The following CPNE4 variants were observed in gnomAD, a reference collection of about 807,000 sequenced individuals.
CPNE4 encodes copine 4.
In CPNE4, 25 loss-of-function variants were observed where a neutral mutation model predicts 67.9. That is an observed-to-expected ratio of 0.37 (90% confidence interval 0.27 to 0.51). The LOEUF (loss-of-function observed/expected upper bound fraction) is 0.51, where lower values mean the gene tolerates loss of function less well. Ranked by LOEUF, CPNE4 falls within the 20% of genes least tolerant of loss-of-function variation. The probability of loss-of-function intolerance (pLI) is 0.93; values close to 1 mark genes in which losing one functional copy is unlikely to be tolerated. For synonymous variants in CPNE4, 242 were observed against 244.9 expected, an observed-to-expected ratio of 0.99 and a Z score of 0.11; for missense variants, 464 against 690.8, an observed-to-expected ratio of 0.67 and a Z score of 3.68.
At chr3:131,795,525 A>G (rs927578647) in intron 2 of CPNE4, among the ~76,000 whole-genome samples, 1 of 152,158 alleles carries the variant, frequency 6.6e-6, no homozygotes, top group African/African-American at 2.4e-5. Flanking sequence ...TCTACCACTG[A>G]TATCAACTAA....
chr3:131,604,163 G>A (rs2174053), intron 7 of CPNE4, among the ~76,000 whole-genome samples: 20,038 of 151,980 alleles, frequency 0.13, 1,878 homozygotes, highest in African/African-American at 0.26. Flanking sequence ...TTCTAACAGA[G>A]AGGGATTTTA....
At chr3:131,846,525 T>C (rs571487496) in intron 2 of CPNE4, among the ~76,000 whole-genome samples, 1 of 152,186 alleles carries the variant, frequency 6.6e-6, no homozygotes, top group Admixed American at 6.6e-5. Flanking sequence ...TGGCTGTTGA[T>C]AGGGAAAAAC....
At chr3:131,764,498 T>C (rs1193213502) in intron 2 of CPNE4, among the ~76,000 whole-genome samples, 1 of 152,132 alleles carries the variant, frequency 6.6e-6, no homozygotes, top group Admixed American at 6.6e-5. Flanking sequence ...AAAATAATAT[T>C]ATAACTAAAT....
At chr3:131,833,486 G>C (rs1022912389) in intron 2 of CPNE4, among the ~76,000 whole-genome samples, 8 of 152,158 alleles carry the variant, frequency 5.3e-5, no homozygotes, top group Non-Finnish European at 8.8e-5. Flanking sequence ...TTGAGCCCAG[G>C]AGTTTGAGAC....
chr3:132,037,097 T>C (rs938112442), upstream of CPNE4, among the ~76,000 whole-genome samples: 3 of 152,088 alleles, frequency 2.0e-5, no homozygotes, highest in Non-Finnish European at 4.4e-5. Context: ...ACATGGACCA[T>C]AGAAAAGAAG....
chr3:131,734,487 A>T (rs2082193473), intron 2 of CPNE4, among the ~76,000 whole-genome samples: 1 of 152,198 alleles, frequency 6.6e-6, no homozygotes, highest in African/African-American at 2.4e-5. Context: ...CGCCTTGAAT[A>T]TAGGAGGAGT....
chr3:131,549,886 G>A (rs1233779514), intron 14 of CPNE4, 61 bp downstream of exon 14: 21 of 1,583,588 alleles, frequency 1.3e-5, no homozygotes, highest in Admixed American at 5.1e-5. Context: ...TGGGTCTTAC[G>A]GCCAATATCC....
intron 2 of CPNE4, among the ~76,000 whole-genome samples, chr3:131,820,453 G>T (rs1458354288): frequency 6.6e-6 from 1 of 152,226 alleles, no homozygotes; most frequent in East Asian, 1.9e-4. Context: ...GGGGCTCTCT[G>T]CAGCTGAGGC....
chr3:132,022,577 ATAATAAT>A (rs1256012549), intron 1 of CPNE4, among the ~76,000 whole-genome samples: 2 of 61,448 alleles, frequency 3.3e-5, no homozygotes, highest in Non-Finnish European at 7.5e-5. Flanking sequence ...CAAAAAAAAA[ATAATAAT>A]AATAATAATC....
At chr3:131,970,343 A>G (rs1381084) in intron 1 of CPNE4, among the ~76,000 whole-genome samples, 42,493 of 152,050 alleles carry the variant, frequency 0.28, 6,115 homozygotes, top group Non-Finnish European at 0.31. Flanking sequence ...TGAGATTTGG[A>G]GCTTATTTGT....
intron 1 of CPNE4, among the ~76,000 whole-genome samples, chr3:131,938,127 G>T (rs1212109714): frequency 1.3e-5 from 2 of 152,062 alleles, no homozygotes; most frequent in African/African-American, 2.4e-5. Flanking sequence ...TGAGGCCAAG[G>T]TTGGGGATCA....
At chr3:131,671,944 CATT>C (rs1328504938) in intron 6 of CPNE4, among the ~76,000 whole-genome samples, 1 of 151,772 alleles carries the variant, frequency 6.6e-6, no homozygotes, top group Non-Finnish European at 1.5e-5. Flanking sequence ...ACTCATTAAC[CATT>C]ATTACTTCCC....
At chr3:131,915,292 A>G (rs576251557) in intron 1 of CPNE4, among the ~76,000 whole-genome samples, 1 of 152,294 alleles carries the variant, frequency 6.6e-6, no homozygotes, top group African/African-American at 2.4e-5. Flanking sequence ...TCCAATCCCA[A>G]TAAATCTCTA....
chr3:131,913,386 G>T (rs1436899276), intron 1 of CPNE4, among the ~76,000 whole-genome samples: 1 of 152,170 alleles, frequency 6.6e-6, no homozygotes, highest in African/African-American at 2.4e-5. Flanking sequence ...CCACTGGTAA[G>T]GAAAGAATGC....
At chr3:131,879,989 C>G (rs73206020) in intron 2 of CPNE4, among the ~76,000 whole-genome samples, 11,573 of 152,112 alleles carry the variant, frequency 0.076, 591 homozygotes, top group East Asian at 0.17. Flanking sequence ...AATCCCCTAC[C>G]CAAACCTTTA....
intron 1 of CPNE4, among the ~76,000 whole-genome samples, chr3:132,017,948 CGCT>C (rs1177405949): frequency 6.6e-6 from 1 of 152,112 alleles, no homozygotes; most frequent in East Asian, 1.9e-4. Context: ...CTCCCTGAGG[CGCT>C]GCTATCACTC....
intron 3 of CPNE4, among the ~76,000 whole-genome samples, chr3:131,713,684 C>T (rs949382823): frequency 6.6e-6 from 1 of 152,080 alleles, no homozygotes; most frequent in African/African-American, 2.4e-5. Flanking sequence ...TGACTCCAAT[C>T]CAGGACACTA....
chr3:131,899,460 C>T (rs914656097), intron 2 of CPNE4, among the ~76,000 whole-genome samples: 1 of 151,992 alleles, frequency 6.6e-6, no homozygotes, highest in Non-Finnish European at 1.5e-5. Context: ...GAAAACCAGA[C>T]AAAATATGTC....
chr3:131,818,321 T>C (rs2137607), intron 2 of CPNE4, among the ~76,000 whole-genome samples: 129,739 of 152,180 alleles, frequency 0.85, 55,983 homozygotes, highest in East Asian at 1. Context: ...GGCTACAAAA[T>C]GCAGCAGAGA....
Sources: gnomAD v4.1 joint callset for allele counts (sites outside exome capture counted in the v4.1 genomes callset) on GRCh38, gnomAD v4.1.1 for gene constraint, MANE v1.5 for transcripts, NCBI Gene and HGNC (gene_info 2026-07-23, HGNC 2026-07-21) for gene names.